PDE4C: variants seen among roughly 807,000 people sequenced by gnomAD.
PDE4C encodes phosphodiesterase 4C.
PDE4C carries 50 observed loss-of-function variants against 63.9 expected under a neutral mutation model. That is an observed-to-expected ratio of 0.78 (90% CI 0.62 to 0.99). The LOEUF is 0.99. Ranked by LOEUF, PDE4C falls within the 50% of genes least tolerant of loss-of-function variation. The probability of loss-of-function intolerance (pLI) is 0.00; values close to 1 mark genes in which losing one functional copy is unlikely to be tolerated. For synonymous variants in PDE4C, 377 were observed against 385.1 expected, an observed-to-expected ratio of 0.98 and a Z score of 0.25; for missense variants, 777 against 899.1, an observed-to-expected ratio of 0.86 and a Z score of 1.74.
intron 1 of PDE4C, among the ~76,000 whole-genome samples, chr19:18,242,047 G>A (rs1223066230): frequency 6.6e-6 from 1 of 152,214 alleles, no homozygotes; most frequent in East Asian, 1.9e-4. Flanking sequence ...AATTTTCTGA[G>A]GAGGTGGCTT....
intron 14 of PDE4C, 55 bp from the exon 15 acceptor site, chr19:18,211,331 C>T (rs2147999689): frequency 2.8e-6 from 4 of 1,418,980 alleles, no homozygotes; most frequent in Non-Finnish European, 2.9e-6. Flanking sequence ...GAACCCTAGA[C>T]TCAATCCAGC....
At chr19:18,252,693 C>G (rs973460062), upstream of PDE4C, among the ~76,000 whole-genome samples, 6 of 152,026 alleles carry the variant, frequency 3.9e-5, no homozygotes, top group Non-Finnish European at 7.4e-5. Context: ...TCTCAGCTCA[C>G]TGCAACCTCC....
At chr19:18,253,856 C>T in the PDE4C span, among the ~76,000 whole-genome samples, 3 of 152,214 alleles carry the variant, frequency 2.0e-5, no homozygotes, top group Non-Finnish European at 4.4e-5. Context: ...ACAACGACTT[C>T]CCACCCAGTT....
chr19:18,243,829 G>A (rs1199883992), intron 1 of PDE4C, among the ~76,000 whole-genome samples: 1 of 151,958 alleles, frequency 6.6e-6, no homozygotes, highest in Non-Finnish European at 1.5e-5. Flanking sequence ...CTCAGCTGCA[G>A]CACACATCAA....
chr19:18,224,360 G>A (rs1968633250), intron 1 of PDE4C: 2 of 985,476 alleles, frequency 2.0e-6, no homozygotes, highest in Non-Finnish European at 2.4e-6. Flanking sequence ...AGACTTTTGG[G>A]TCAAAGGTCA....
chr19:18,242,213 C>T (rs1021239548), intron 1 of PDE4C, among the ~76,000 whole-genome samples: 31 of 152,080 alleles, frequency 2.0e-4, no homozygotes, highest in African/African-American at 7.0e-4. Context: ...CTGTGGCTCA[C>T]GCCTGTAATC....
upstream of PDE4C, chr19:18,233,807 GT>G (rs1968901717): frequency 3.3e-6 from 1 of 300,074 alleles, no homozygotes. Context: ...AACATGAGCA[GT>G]GACGGGCCCT....
chr19:18,243,077 G>A (rs191343883), intron 1 of PDE4C, among the ~76,000 whole-genome samples: 93 of 152,206 alleles, frequency 6.1e-4, no homozygotes, highest in African/African-American at 2.2e-3. Context: ...GCCACGGGGT[G>A]TGAGAAAGAG....
chr19:18,226,390 G>T (rs1230657021), exon 1 of PDE4C: 1 of 1,457,360 alleles, frequency 6.9e-7, no homozygotes, highest in East Asian at 2.8e-5. Context: ...CCCGGGGACC[G>T]GGGCGGGCGC....
At chr19:18,222,076 G>C in intron 2 of PDE4C, 56 bp downstream of exon 2, 1 of 1,470,054 alleles carries the variant, frequency 6.8e-7, no homozygotes, top group African/African-American at 1.4e-5. Flanking sequence ...CTGAATAGAG[G>C]AACAAAGGAA....
exon 1 of PDE4C, chr19:18,233,281 G>C (rs1416118376): frequency 2.6e-6 from 4 of 1,525,574 alleles, no homozygotes; most frequent in East Asian, 4.9e-5. Context: ...GTCCGGCCCA[G>C]GGCCGGGAGT....
exon 10 of PDE4C, chr19:18,218,352 C>T: frequency 1.2e-6 from 2 of 1,614,202 alleles, no homozygotes; most frequent in Non-Finnish European, 1.7e-6. Context: ...CGGGCGTAGC[C>T]AGCAGCACAT....
At chr19:18,236,420 A>G (rs1968951872), upstream of PDE4C, among the ~76,000 whole-genome samples, 1 of 151,898 alleles carries the variant, frequency 6.6e-6, no homozygotes, top group African/African-American at 2.4e-5. Context: ...ACAGGGTTTC[A>G]CCATGTTGAC....
In PDE4C at chr19:18,213,330, T is replaced by C. The variant is rs532271911; in HGVS notation, c.1512+38A>G. ...ATAAATAAATAAAGTAAAACCAAAATTTAAAAAGGAAGCCCCAGTGCCCAT... is the reference window on the plus strand; with the variant it reads ...ATAAATAAATAAAGTAAAACCAAAACTTAAAAAGGAAGCCCCAGTGCCCAT... On this transcript the variant is annotated intron_variant, in intron 13 of 14. Transcript: ENST00000262805. 1.6e-5 allele frequency: 25 copies of C among 1,543,296 alleles called. No homozygotes were observed. In the South Asian group the frequency reaches 2.2e-4, roughly 14 times the overall value.
At chr19:18,218,535 T>C in intron 9 of PDE4C, 37 bp from the exon 10 acceptor site, 1 of 1,611,480 alleles carries the variant, frequency 6.2e-7, no homozygotes, top group Non-Finnish European at 8.5e-7. Flanking sequence ...GGCCTTGGCC[T>C]TGGGGCTGCA....
chr19:18,252,369 G>A (rs755635955), upstream of PDE4C: 23 of 399,098 alleles, frequency 5.8e-5, no homozygotes, highest in Non-Finnish European at 8.8e-5. Flanking sequence ...GCTGGAGTAG[G>A]ATTTGGGGGG....
chr19:18,251,589 C>T (rs1051989795), upstream of PDE4C, among the ~76,000 whole-genome samples: 7 of 151,572 alleles, frequency 4.6e-5, no homozygotes. Context: ...CGTCTGCCAC[C>T]ACGCCTGGCT....
chr19:18,230,668 C>G (rs1010748861), upstream of PDE4C, among the ~76,000 whole-genome samples: 1 of 152,086 alleles, frequency 6.6e-6, no homozygotes, highest in African/African-American at 2.4e-5. Flanking sequence ...TTGCACTCAC[C>G]CTAGCTGACC....
upstream of PDE4C, among the ~76,000 whole-genome samples, chr19:18,235,154 C>T (rs1016536982): frequency 1.5e-4 from 23 of 152,208 alleles, no homozygotes; most frequent in African/African-American, 4.8e-5. Context: ...CTAGCATCCA[C>T]CAACAACTGG....
Sources: gnomAD v4.1 joint callset for allele counts (sites outside exome capture counted in the v4.1 genomes callset) on GRCh38, gnomAD v4.1.1 for gene constraint, MANE v1.5 for transcripts, NCBI Gene and HGNC (gene_info 2026-07-23, HGNC 2026-07-21) for gene names.